ROBO1: variants seen among roughly 807,000 people sequenced by gnomAD.
The protein encoded by ROBO1 is roundabout homolog 1.
A neutral mutation model predicts 195.9 loss-of-function variants in ROBO1; 149 were observed. The observed-to-expected ratio is 0.76, with a 90% confidence interval of 0.67 to 0.87. ROBO1 has a LOEUF of 0.87. Among genes scored for constraint, ROBO1 ranks in the 40% least tolerant of loss-of-function variants. The probability of loss-of-function intolerance (pLI) is 0.00; values close to 1 mark genes in which losing one functional copy is unlikely to be tolerated. For missense variants in ROBO1, 1,933 were observed against 2,068.3 expected, an observed-to-expected ratio of 0.93 and a Z score of 1.27; for synonymous variants, 816 against 733.2, an observed-to-expected ratio of 1.11 and a Z score of -1.82.
intron 8 of ROBO1, among the ~76,000 whole-genome samples, chr3:78,690,917 T>C (rs2081159384): frequency 6.6e-6 from 1 of 152,064 alleles, no homozygotes; most frequent in Non-Finnish European, 1.5e-5. Flanking sequence ...CCTCAAAGAC[T>C]TATTTGAGAA....
chr3:79,083,639 C>T (rs1336054631), intron 3 of ROBO1, among the ~76,000 whole-genome samples: 3 of 152,180 alleles, frequency 2.0e-5, no homozygotes, highest in Admixed American at 6.5e-5. Flanking sequence ...AGGAAACTGT[C>T]GTCCTATCCA....
chr3:79,554,292 A>G (rs1406175221), intron 2 of ROBO1, among the ~76,000 whole-genome samples: 1 of 152,066 alleles, frequency 6.6e-6, no homozygotes, highest in African/African-American at 2.4e-5. Flanking sequence ...TTATAATTCT[A>G]TAAGTGGTAA....
chr3:79,764,796 T>C (rs891901940), intron 1 of ROBO1, among the ~76,000 whole-genome samples: 3 of 152,248 alleles, frequency 2.0e-5, no homozygotes, highest in African/African-American at 7.2e-5. Context: ...GATTCTACTA[T>C]GTTATAAGAT....
intron 3 of ROBO1, among the ~76,000 whole-genome samples, chr3:78,954,905 A>G (rs1195337513): frequency 6.6e-6 from 1 of 151,808 alleles, no homozygotes; most frequent in Non-Finnish European, 1.5e-5. Context: ...TTCTAAGGAG[A>G]GAATTTCTTT....
intron 4 of ROBO1, among the ~76,000 whole-genome samples, chr3:78,774,603 T>C (rs996768819): frequency 8.7e-5 from 11 of 126,642 alleles, no homozygotes; most frequent in Non-Finnish European, 1.4e-4. Context: ...AAAATGTTTT[T>C]AATAAAAAAA....
intron 1 of ROBO1, among the ~76,000 whole-genome samples, chr3:79,668,265 T>C (rs1277809751): frequency 2.0e-5 from 3 of 151,724 alleles, no homozygotes; most frequent in Non-Finnish European, 2.9e-5. Flanking sequence ...TGGGTTTTAC[T>C]GTTTGGGAAG....
chr3:79,042,939 T>G (rs2078515655), intron 3 of ROBO1, among the ~76,000 whole-genome samples: 1 of 152,096 alleles, frequency 6.6e-6, no homozygotes, highest in Non-Finnish European at 1.5e-5. Flanking sequence ...ATAAACAAAT[T>G]CAGAAAATAA....
intron 3 of ROBO1, among the ~76,000 whole-genome samples, chr3:79,004,351 G>A (rs546481205): frequency 3.3e-5 from 5 of 152,230 alleles, no homozygotes; most frequent in Non-Finnish European, 5.9e-5. Flanking sequence ...TCAAAGCAAA[G>A]TCAAGAAATT....
chr3:79,139,312 A>G (rs1424492519), intron 2 of ROBO1, among the ~76,000 whole-genome samples: 1 of 152,126 alleles, frequency 6.6e-6, no homozygotes, highest in East Asian at 1.9e-4. Context: ...TAATTTGACT[A>G]AACAAGATAG....
intron 2 of ROBO1, among the ~76,000 whole-genome samples, chr3:79,440,969 T>C (rs1460525066): frequency 1.3e-5 from 2 of 152,110 alleles, no homozygotes; most frequent in African/African-American, 4.8e-5. Flanking sequence ...TTTGAAACCA[T>C]AAATAAAAAA....
At chr3:79,553,129 T>G (rs1255366387) in intron 2 of ROBO1, among the ~76,000 whole-genome samples, 1 of 152,004 alleles carries the variant, frequency 6.6e-6, no homozygotes, top group Admixed American at 6.6e-5. Flanking sequence ...AATTTCACAT[T>G]TGCATGCATT....
chr3:78,688,183 A>C (rs2081092307), intron 9 of ROBO1, among the ~76,000 whole-genome samples: 1 of 152,212 alleles, frequency 6.6e-6, no homozygotes, highest in Admixed American at 6.5e-5. Flanking sequence ...AACTATATTT[A>C]ACACAACATC....
chr3:79,319,536 T>A (rs1266789636), intron 2 of ROBO1, among the ~76,000 whole-genome samples: 1 of 152,114 alleles, frequency 6.6e-6, no homozygotes, highest in Non-Finnish European at 1.5e-5. Context: ...GAAATAGATA[T>A]AATTAATGCA....
chr3:79,169,841 C>T (rs1447197863), intron 2 of ROBO1, among the ~76,000 whole-genome samples: 1 of 152,068 alleles, frequency 6.6e-6, no homozygotes, highest in Non-Finnish European at 1.5e-5. Flanking sequence ...AAAAGGAATG[C>T]TCTCAATTTA....
intron 2 of ROBO1, among the ~76,000 whole-genome samples, chr3:79,403,145 T>C (rs372418310): frequency 4.6e-5 from 7 of 152,060 alleles, no homozygotes; most frequent in African/African-American, 1.2e-4. Flanking sequence ...TTTCTGTTTT[T>C]CTCAGGCAAG....
rs533468367 is a variant in ROBO1, at chr3:79,667,195, C to A, written c.-50-77234G>T. ...TGAAAATATACTTTCTTTTTAAAGACAAAAACATTTTAGAAAGTTTAAAAT... is the reference window on the plus strand; with the variant it reads ...TGAAAATATACTTTCTTTTTAAAGAAAAAAACATTTTAGAAAGTTTAAAAT... On this transcript the variant is annotated intron_variant, in intron 1 of 30. Transcript: ENST00000464233. 1.8e-4 allele frequency among the ~76,000 whole-genome samples: 27 copies of A among 151,820 alleles called. No homozygotes were observed. In the East Asian group the frequency reaches 4.9e-3, roughly 27 times the overall value.
intron 8 of ROBO1, among the ~76,000 whole-genome samples, chr3:78,711,388 T>C (rs1245829442): frequency 6.4e-5 from 3 of 47,070 alleles, no homozygotes; most frequent in African/African-American, 2.8e-4. Context: ...CCTTCCTTCC[T>C]TCCTTCCTTC....
At chr3:79,005,870 T>C (rs767767677) in intron 3 of ROBO1, among the ~76,000 whole-genome samples, 5 of 152,158 alleles carry the variant, frequency 3.3e-5, no homozygotes, top group African/African-American at 7.2e-5. Context: ...AATACTCTAT[T>C]AGCAAATAAT....
At chr3:79,151,471 G>A (rs985239928) in intron 2 of ROBO1, among the ~76,000 whole-genome samples, 3 of 151,364 alleles carry the variant, frequency 2.0e-5, no homozygotes, top group Admixed American at 6.6e-5. Flanking sequence ...CTTCTTAATC[G>A]CCCCTCGTCT....
Sources: allele counts gnomAD v4.1 joint callset (sites outside exome capture counted in the v4.1 genomes callset), GRCh38; gene constraint gnomAD v4.1.1; transcripts MANE v1.5; gene names NCBI Gene and HGNC (gene_info 2026-07-23, HGNC 2026-07-21).